MAMDC2: variants seen among roughly 807,000 people sequenced by gnomAD.
MAMDC2 encodes the protein MAM domain-containing protein 2.
In MAMDC2, 57 loss-of-function variants were observed where a neutral mutation model predicts 89.8. The observed-to-expected ratio is 0.63, with a 90% CI of 0.51 to 0.79. The LOEUF (loss-of-function observed/expected upper bound fraction) is 0.79. MAMDC2 is among the 30% of genes least tolerant of loss of function. MAMDC2 has a pLI of 0.00. For synonymous variants in MAMDC2, 313 were observed against 293.4 expected (o/e 1.07, Z -0.68); for missense variants, 800 against 820.6 (o/e 0.97, Z 0.31).
chr9:70,193,581 A>G (rs913952224), intron 11 of MAMDC2, among the ~76,000 whole-genome samples: 7 of 145,924 alleles, frequency 4.8e-5, no homozygotes, highest in African/African-American at 1.8e-4. Context: ...ATTTAGTCCT[A>G]ACAACCTTTT....
chr9:70,090,322 A>G (rs946257448), intron 2 of MAMDC2, among the ~76,000 whole-genome samples: 4 of 151,944 alleles, frequency 2.6e-5, no homozygotes, highest in Admixed American at 2.6e-4. Flanking sequence ...TTTCTCTACA[A>G]AAAGTTTAAA....
chr9:70,106,298 G>C (rs1828338173), intron 2 of MAMDC2, among the ~76,000 whole-genome samples: 1 of 152,150 alleles, frequency 6.6e-6, no homozygotes, highest in Admixed American at 6.5e-5. Flanking sequence ...GTTGGTATTT[G>C]ATATGAATGT....
chr9:70,079,375 A>C (rs1827605419), intron 2 of MAMDC2: 1 of 152,152 alleles, frequency 6.6e-6, no homozygotes. Context: ...TCAAGGAACA[A>C]ATTCATGACA....
chr9:70,137,675 C>T (rs2031059099), intron 7 of MAMDC2, among the ~76,000 whole-genome samples: 1 of 152,158 alleles, frequency 6.6e-6, no homozygotes, highest in African/African-American at 2.4e-5. Context: ...GCTCACTGCT[C>T]CTAGAGCCCA....
At position 70,108,418 on chromosome 9, in the gene MAMDC2, A is replaced by C; in HGVS notation, c.356A>C (p.Lys119Thr). The C allele has an allele frequency of 1.2e-6, 2 of 1,613,914 alleles. No homozygotes were observed. The highest frequency in any genetic ancestry group is 1.7e-6 in the Non-Finnish European group (2 of 1,179,918). The change falls in exon 3 of 14, where the codon AAG becomes ACG. Residue 119 changes from lysine (K) to threonine (T), a missense_variant. By Grantham distance (78) the Lys-to-Thr change is moderately conservative (BLOSUM62 -1). Transcript: ENST00000377182. ...ESFDRLLWSA[K>T]EPSDSWLIAS... ...TTTGATCGCTTGCTTTGGTCAGCTA[A>C]GGAACCTTCAGACAGCTGGCTCATA...
intron 2 of MAMDC2, among the ~76,000 whole-genome samples, chr9:70,073,414 C>T (rs942596929): frequency 1.8e-4 from 28 of 152,058 alleles, no homozygotes; most frequent in Admixed American, 1.3e-4. Context: ...CTGATTCATC[C>T]CAAGAGGAAA....
intron 6 of MAMDC2, among the ~76,000 whole-genome samples, chr9:70,130,479 G>GTT (rs2030756627): frequency 1.3e-5 from 2 of 152,306 alleles, no homozygotes; most frequent in African/African-American, 4.8e-5. Flanking sequence ...TACCTGGGTG[G>GTT]TTTTTCCAGC....
intron 2 of MAMDC2, among the ~76,000 whole-genome samples, chr9:70,072,243 GTGT>G (rs1293279221): frequency 6.6e-6 from 1 of 152,126 alleles, no homozygotes; most frequent in Non-Finnish European, 1.5e-5. Flanking sequence ...CTGACCATCA[GTGT>G]CACCTCAGCA....
intron 11 of MAMDC2, among the ~76,000 whole-genome samples, chr9:70,171,371 G>T (rs1433781016): frequency 6.6e-6 from 1 of 151,790 alleles, no homozygotes; most frequent in East Asian, 1.9e-4. Context: ...GTGGTGGTGT[G>T]CACCTGTGGT....
chr9:70,216,827 T>C lies in MAMDC2; in HGVS notation c.1652-1510T>C, dbSNP rs2033454629. On this transcript the variant is annotated intron_variant, in intron 11 of 13. Coordinates refer to ENST00000377182, the MANE Select transcript of MAMDC2 (RefSeq NM_153267.5). ...GATCTCTTGCATTACTATTCATATA[T>C]AGTTTTACTTCAGTGACATGATAGT... 1.3e-5 allele frequency among the ~76,000 whole-genome samples: 2 copies of C among 152,224 alleles called. 1 individual carries two copies. The highest frequency in any genetic ancestry group is 4.1e-4 in the South Asian group (2 of 4,830).
chr9:70,165,193 G>A (rs538171427), intron 9 of MAMDC2, among the ~76,000 whole-genome samples: 118 of 152,262 alleles, frequency 7.7e-4, no homozygotes, highest in African/African-American at 2.8e-3. Context: ...CAGAGGGTAA[G>A]TCCTTAAGAA....
Position 70,225,844 on chromosome 9 carries a change from T to C in MAMDC2, c.1996+10T>C, listed in dbSNP as rs773420765. 6.3e-7 allele frequency: 1 copy of C among 1,591,756 alleles called. No homozygotes were observed. The highest frequency in any genetic ancestry group is 8.6e-7 in the Non-Finnish European group (1 of 1,161,094). ...GCAGGACCCTGTGGAGGTAATATTT[T>C]TTCCCAATCATATAAGCTTGACTGA... On this transcript the variant is annotated intron_variant, in intron 13 of 13. Coordinates refer to ENST00000377182, the MANE Select transcript of MAMDC2 (RefSeq NM_153267.5).
At chr9:70,152,773 C>T (rs915717077) in intron 9 of MAMDC2, among the ~76,000 whole-genome samples, 14 of 152,126 alleles carry the variant, frequency 9.2e-5, no homozygotes, top group Non-Finnish European at 1.5e-5. Flanking sequence ...CCTTCCTGAG[C>T]CTTCCTTTTC....
At chr9:70,166,613 C>T (rs758888275) in intron 9 of MAMDC2, among the ~76,000 whole-genome samples, 2 of 152,022 alleles carry the variant, frequency 1.3e-5, no homozygotes, top group African/African-American at 4.8e-5. Context: ...TGCCGTAGTT[C>T]ATTTATTTCT....
intron 11 of MAMDC2, among the ~76,000 whole-genome samples, chr9:70,200,459 G>C (rs1034467403): frequency 1.3e-5 from 2 of 151,394 alleles, no homozygotes; most frequent in Non-Finnish European, 2.9e-5. Context: ...CTGTAGCCTT[G>C]TAGTATAGTT....
At chr9:70,206,700 T>C (rs9696790) in intron 11 of MAMDC2, among the ~76,000 whole-genome samples, 119,052 of 151,920 alleles carry the variant, frequency 0.78, 46,793 homozygotes, top group Admixed American at 0.83. Context: ...TACATATGTA[T>C]ACATGTGCCA....
At chr9:70,063,728 A>C (rs1827201576) in intron 2 of MAMDC2, among the ~76,000 whole-genome samples, 1 of 152,212 alleles carries the variant, frequency 6.6e-6, no homozygotes, top group African/African-American at 2.4e-5. Context: ...TACACTTGCT[A>C]GGCACTTTAT....
At chr9:70,081,715 C>T (rs1306709882) in intron 2 of MAMDC2, 2 of 152,104 alleles carry the variant, frequency 1.3e-5, no homozygotes, top group Admixed American at 6.5e-5. Flanking sequence ...TTGGTGTCTT[C>T]GAGAGACTTT....
At chr9:70,146,283 G>A (rs2031402064) in intron 9 of MAMDC2, among the ~76,000 whole-genome samples, 1 of 152,168 alleles carries the variant, frequency 6.6e-6, no homozygotes, top group Non-Finnish European at 1.5e-5. Context: ...GGGAAAAATG[G>A]ATCTAGACCC....
Sources: gnomAD v4.1 joint callset for allele counts (sites outside exome capture counted in the v4.1 genomes callset) on GRCh38, gnomAD v4.1.1 for gene constraint, MANE v1.5 for transcripts, NCBI Gene and HGNC (gene_info 2026-07-23, HGNC 2026-07-21) for gene names.